The following FMN1 variants were observed in gnomAD, a reference collection of about 807,000 sequenced individuals.
FMN1 encodes formin-1.
In FMN1, 110 loss-of-function variants were observed where a neutral mutation model predicts 132.4. That is an observed-to-expected ratio of 0.83 (90% confidence interval 0.71 to 0.97). The LOEUF is 0.97. Ranked by LOEUF, FMN1 falls within the 50% of genes least tolerant of loss-of-function variation. FMN1 has a pLI of 0.00. For missense variants in FMN1, 1,792 were observed against 1,705.3 expected, an observed-to-expected ratio of 1.05 and a Z score of -0.90; for synonymous variants, 722 against 651.7, an observed-to-expected ratio of 1.11 and a Z score of -1.64.
At chr15:33,038,186 C>G (rs992324206) in intron 6 of FMN1, among the ~76,000 whole-genome samples, 1 of 152,236 alleles carries the variant, frequency 6.6e-6, no homozygotes, top group African/African-American at 2.4e-5. Context: ...CGAGATCGCA[C>G]CACTGCACTC....
intron 12 of FMN1, among the ~76,000 whole-genome samples, chr15:32,903,100 T>C (rs2060336382): frequency 6.6e-6 from 1 of 152,220 alleles, no homozygotes; most frequent in South Asian, 2.1e-4. Flanking sequence ...TTTAGGGAGA[T>C]TTGGGTTTTA....
intron 3 of FMN1, among the ~76,000 whole-genome samples, chr15:33,174,419 A>C (rs770043047): frequency 2.5e-4 from 38 of 152,038 alleles, no homozygotes; most frequent in Non-Finnish European, 4.9e-4. Flanking sequence ...ATATGCTTGG[A>C]TGAGTTGGCC....
chr15:32,815,194 AG>A (rs2058018812), intron 17 of FMN1, among the ~76,000 whole-genome samples: 1 of 152,152 alleles, frequency 6.6e-6, no homozygotes. Flanking sequence ...TGCCCGCCTC[AG>A]CCTCCCAAAG....
In FMN1 at chr15:33,052,964, G is replaced by C. The variant is rs139661734; in HGVS notation, c.2161+11993C>G. 4.9e-3 allele frequency among the ~76,000 whole-genome samples: 712 copies of C among 145,802 alleles called. 8 individuals carry two copies. The highest frequency in any genetic ancestry group is 0.018 in the African/African-American group (684 of 38,990). On this transcript the variant is annotated intron_variant, in intron 6 of 20. Transcript: ENST00000616417. ...AATGCCCCAGACCCAACCACAGGCA[G>C]AGAAACCACCTGACTGTGGGGGTGT...
rs1163409776 is a variant in FMN1, at chr15:32,901,943, T to C, written c.3475A>G (p.Arg1159Gly). ...GCTCGCGTGATGATCTCTACCTTTC[T>C]GTGCAAGGAGGTGATACCCTCAGAA... ...VFSEGITSLH[R>G]KVEIITRASK... is the part of the protein sequence containing the mutation. The change falls in exon 13 of 21, where the codon AGA (arginine) becomes GGA (glycine). Residue 1159 changes from arginine to glycine, a missense_variant. By Grantham distance (125) the Arg-to-Gly change is moderately radical. Transcript: ENST00000616417. The C allele has an allele frequency of 6.2e-7, 1 of 1,612,772 alleles. No homozygotes were observed. The highest frequency in any genetic ancestry group is 2.2e-5 in the East Asian group (1 of 44,846).
chr15:33,014,527 A>C (rs1478155888), intron 6 of FMN1, among the ~76,000 whole-genome samples: 1 of 152,236 alleles, frequency 6.6e-6, no homozygotes, highest in Non-Finnish European at 1.5e-5. Flanking sequence ...CAATTTAAAT[A>C]ATCTATTCCA....
intron 17 of FMN1, among the ~76,000 whole-genome samples, chr15:32,833,683 G>T (rs985133421): frequency 6.6e-6 from 1 of 152,058 alleles, no homozygotes; most frequent in African/African-American, 2.4e-5. Context: ...TTTTCTGAAG[G>T]TCTCCATTGA....
At chr15:32,939,239 A>C (rs1182294185) in intron 9 of FMN1, among the ~76,000 whole-genome samples, 1 of 152,248 alleles carries the variant, frequency 6.6e-6, no homozygotes, top group Non-Finnish European at 1.5e-5. Context: ...TTAAAGCAAG[A>C]AGCACAGCTA....
intron 14 of FMN1, 33 bp from the exon 15 acceptor site, chr15:32,898,926 A>T: frequency 7.1e-7 from 1 of 1,412,054 alleles, no homozygotes; most frequent in East Asian, 2.3e-5. Flanking sequence ...CATGAAAATC[A>T]TTCCCATGAG....
At chr15:32,864,680 T>C (rs1294009208) in intron 16 of FMN1, among the ~76,000 whole-genome samples, 2 of 152,194 alleles carry the variant, frequency 1.3e-5, no homozygotes, top group Non-Finnish European at 2.9e-5. Flanking sequence ...CAAAATATTA[T>C]CTCAGAATAA....
intron 6 of FMN1, among the ~76,000 whole-genome samples, chr15:33,021,433 C>T (rs2035410322): frequency 1.3e-5 from 2 of 152,122 alleles, no homozygotes; most frequent in Admixed American, 6.6e-5. Flanking sequence ...CAACTTCTCT[C>T]TCTCTCTATG....
chr15:33,106,646 G>A (rs1022335598), intron 4 of FMN1, among the ~76,000 whole-genome samples: 2 of 151,948 alleles, frequency 1.3e-5, no homozygotes, highest in Non-Finnish European at 2.9e-5. Context: ...TTCTAAATCA[G>A]TGTTCTAAAT....
intron 5 of FMN1, among the ~76,000 whole-genome samples, chr15:33,074,068 G>A (rs1376071326): frequency 1.3e-5 from 2 of 152,066 alleles, no homozygotes; most frequent in African/African-American, 2.4e-5. Flanking sequence ...AGGCATTTGA[G>A]GTCAAGGGAA....
intron 4 of FMN1, among the ~76,000 whole-genome samples, chr15:33,147,826 T>C (rs988537008): frequency 3.3e-5 from 5 of 152,234 alleles, no homozygotes; most frequent in South Asian, 2.1e-4. Flanking sequence ...TTTGAGATCA[T>C]TGGAAAAGGC....
intron 5 of FMN1, among the ~76,000 whole-genome samples, chr15:33,065,300 G>C (rs1422734308): frequency 6.6e-6 from 1 of 152,046 alleles, no homozygotes; most frequent in African/African-American, 2.4e-5. Flanking sequence ...AAACCTCAAG[G>C]CTAAGTATAT....
intron 6 of FMN1, among the ~76,000 whole-genome samples, chr15:33,035,142 CCTTT>C (rs2036129550): frequency 6.6e-6 from 1 of 152,052 alleles, no homozygotes; most frequent in Non-Finnish European, 1.5e-5. Flanking sequence ...CATATGTACT[CCTTT>C]ATTATCACAT....
intron 17 of FMN1, among the ~76,000 whole-genome samples, chr15:32,837,972 T>C (rs140463069): frequency 2.8e-4 from 43 of 152,210 alleles, no homozygotes; most frequent in African/African-American, 8.7e-4. Flanking sequence ...CTCATTTATG[T>C]AGCATGATCC....
intron 10 of FMN1, among the ~76,000 whole-genome samples, chr15:32,924,206 T>C (rs1398067567): frequency 6.6e-6 from 1 of 152,170 alleles, no homozygotes; most frequent in African/African-American, 2.4e-5. Flanking sequence ...CAGGCCTATT[T>C]AGCCACCCTC....
intron 9 of FMN1, among the ~76,000 whole-genome samples, chr15:32,926,570 G>A (rs1481006245): frequency 6.6e-6 from 1 of 152,184 alleles, no homozygotes; most frequent in African/African-American, 2.4e-5. Flanking sequence ...AAGATGTACA[G>A]AATGTGGTAT....
Sources: allele counts gnomAD v4.1 joint callset (sites outside exome capture counted in the v4.1 genomes callset), GRCh38; gene constraint gnomAD v4.1.1; transcripts MANE v1.5; gene names NCBI Gene and HGNC (gene_info 2026-07-23, HGNC 2026-07-21).